SPAG16: variants seen among roughly 807,000 people sequenced by gnomAD.
The protein encoded by SPAG16 is sperm associated antigen 16.
Under a neutral mutation model 80.4 loss-of-function variants are expected in SPAG16, and 86 were observed. That is an observed-to-expected ratio of 1.07 (90% confidence interval 0.90 to 1.28). The LOEUF (loss-of-function observed/expected upper bound fraction) is 1.28. SPAG16 is among the 50% of genes most tolerant of loss of function. The pLI, the probability that SPAG16 is intolerant of heterozygous loss-of-function variation, is 0.00. For missense variants in SPAG16, 870 were observed against 765.3 expected, an observed-to-expected ratio of 1.14 and a Z score of -1.61; for synonymous variants, 294 against 265.9, an observed-to-expected ratio of 1.11 and a Z score of -1.03.
intron 7 of SPAG16, among the ~76,000 whole-genome samples, chr2:213,360,882 C>A (rs10172140): frequency 6.6e-6 from 1 of 152,018 alleles, no homozygotes; most frequent in African/African-American, 2.4e-5. Flanking sequence ...TCATTTCCAA[C>A]CAAACTTTAG....
intron 10 of SPAG16, among the ~76,000 whole-genome samples, chr2:213,560,524 T>G (rs1159934023): frequency 6.6e-6 from 1 of 152,134 alleles, no homozygotes; most frequent in Non-Finnish European, 1.5e-5. Context: ...TCAAAATGCA[T>G]TGAAGAAGAA....
chr2:213,483,045 T>A (rs2073826856), intron 9 of SPAG16, among the ~76,000 whole-genome samples: 1 of 152,146 alleles, frequency 6.6e-6, no homozygotes, highest in Non-Finnish European at 1.5e-5. Flanking sequence ...TTATTTTAGT[T>A]GCACACATAT....
intron 15 of SPAG16, among the ~76,000 whole-genome samples, chr2:214,355,359 G>A (rs1385233748): frequency 5.1e-5 from 7 of 137,852 alleles, no homozygotes; most frequent in African/African-American, 1.3e-4. Flanking sequence ...AAAAGTGGGC[G>A]AAGGACATGA....
intron 9 of SPAG16, among the ~76,000 whole-genome samples, chr2:213,483,667 A>G (rs1291393935): frequency 6.6e-6 from 1 of 152,194 alleles, no homozygotes; most frequent in Admixed American, 6.6e-5. Flanking sequence ...CTTTGCAAGT[A>G]AGTCCCCAGA....
chr2:213,579,652 T>C (rs2060238248), intron 10 of SPAG16, among the ~76,000 whole-genome samples: 1 of 152,172 alleles, frequency 6.6e-6, no homozygotes, highest in African/African-American at 2.4e-5. Context: ...GATTTATCTT[T>C]AGTGTTCTTT....
At chr2:214,120,609 A>C (rs1249813998) in intron 14 of SPAG16, among the ~76,000 whole-genome samples, 1 of 151,774 alleles carries the variant, frequency 6.6e-6, no homozygotes, top group Non-Finnish European at 1.5e-5. Flanking sequence ...GTATTGTTGT[A>C]CCCAATGAGT....
chr2:214,087,620 C>A (rs1420457692), intron 13 of SPAG16, among the ~76,000 whole-genome samples: 2 of 151,970 alleles, frequency 1.3e-5, no homozygotes, highest in African/African-American at 2.4e-5. Context: ...GGTGATTATT[C>A]TTAAGTACCA....
At chr2:213,723,938 G>A (rs747439159) in intron 10 of SPAG16, among the ~76,000 whole-genome samples, 1 of 152,090 alleles carries the variant, frequency 6.6e-6, no homozygotes, top group Non-Finnish European at 1.5e-5. Context: ...AGATTACTTA[G>A]GTAGCTTGCT....
At chr2:213,934,978 C>G (rs977565388) in intron 12 of SPAG16, among the ~76,000 whole-genome samples, 1 of 151,586 alleles carries the variant, frequency 6.6e-6, no homozygotes, top group South Asian at 2.1e-4. Context: ...TGAGGCAGGC[C>G]GATCACGAGG....
chr2:213,996,632 G>A lies in SPAG16; in HGVS notation c.1401-17319G>A, dbSNP rs372031290. On this transcript the variant is annotated intron_variant, in intron 12 of 15. Transcript: ENST00000331683. ...CACTCAGGCTGGAGTGCAATGGCGC[G>A]ATCTCTGCTCACTGCAACCTCTGCC... Among the ~76,000 whole-genome samples the A allele has an allele frequency of 8.8e-5, 13 of 147,096 alleles. No homozygotes were observed. In the South Asian group the frequency reaches 1.5e-3, roughly 17 times the overall value.
intron 15 of SPAG16, among the ~76,000 whole-genome samples, chr2:214,162,458 C>T (rs1215112978): frequency 6.6e-6 from 1 of 151,936 alleles, no homozygotes. Context: ...AGATTTTTAA[C>T]CCTATTACAG....
At chr2:213,294,795 A>C (rs1008938038) in intron 1 of SPAG16, among the ~76,000 whole-genome samples, 1 of 152,180 alleles carries the variant, frequency 6.6e-6, no homozygotes, top group African/African-American at 2.4e-5. Flanking sequence ...TTATGTATTT[A>C]TGTAGCACAG....
chr2:214,390,869 A>C (rs1701041748), intron 15 of SPAG16, among the ~76,000 whole-genome samples: 1 of 152,244 alleles, frequency 6.6e-6, no homozygotes, highest in Non-Finnish European at 1.5e-5. Flanking sequence ...GGCCATGTAC[A>C]AAATTGATAG....
chr2:213,316,067 G>T (rs1297326080), intron 4 of SPAG16, among the ~76,000 whole-genome samples: 2 of 151,784 alleles, frequency 1.3e-5, no homozygotes, highest in Non-Finnish European at 2.9e-5. Context: ...TGCCAACCCT[G>T]ACTTTTTTCC....
At chr2:213,775,114 T>C (rs947543776) in intron 10 of SPAG16, among the ~76,000 whole-genome samples, 1 of 152,226 alleles carries the variant, frequency 6.6e-6, no homozygotes, top group African/African-American at 2.4e-5. Context: ...ACTTGCTCCT[T>C]TTCCTGCTGC....
intron 15 of SPAG16, among the ~76,000 whole-genome samples, chr2:214,269,640 T>C (rs1358027360): frequency 1.3e-5 from 2 of 152,084 alleles, no homozygotes; most frequent in Non-Finnish European, 2.9e-5. Flanking sequence ...AAGAATTATA[T>C]TGCATGTATT....
chr2:213,876,716 T>C (rs2076156532), intron 11 of SPAG16, among the ~76,000 whole-genome samples: 1 of 152,166 alleles, frequency 6.6e-6, no homozygotes, highest in Non-Finnish European at 1.5e-5. Context: ...CATACCAATC[T>C]GATCTTTGTT....
intron 10 of SPAG16, among the ~76,000 whole-genome samples, chr2:213,799,943 C>A (rs114425798): frequency 6.9e-6 from 1 of 145,282 alleles, no homozygotes. Flanking sequence ...AAATGCCCAT[C>A]AGTGATAGAC....
chr2:213,515,623 A>G (rs574873116), intron 10 of SPAG16, among the ~76,000 whole-genome samples: 10 of 152,112 alleles, frequency 6.6e-5, no homozygotes, highest in Admixed American at 2.6e-4. Context: ...TGCCTGGGGG[A>G]AAAATATGAC....
Sources: gnomAD v4.1 joint callset for allele counts (sites outside exome capture counted in the v4.1 genomes callset) on GRCh38, gnomAD v4.1.1 for gene constraint, MANE v1.5 for transcripts, NCBI Gene and HGNC (gene_info 2026-07-23, HGNC 2026-07-21) for gene names.